The following NHSL1 variants were observed in gnomAD, a reference collection of about 807,000 sequenced individuals.
NHSL1 encodes NHS like 1.
NHSL1 carries 48 observed loss-of-function variants against 95.0 expected under a neutral mutation model. The observed-to-expected ratio is 0.51, with a 90% CI of 0.40 to 0.64. NHSL1 has a LOEUF of 0.64. Among genes scored for constraint, NHSL1 ranks in the 30% least tolerant of loss-of-function variants. The pLI, the probability that NHSL1 is intolerant of heterozygous loss-of-function variation, is 0.00. For synonymous variants in NHSL1, 783 were observed against 833.9 expected, an observed-to-expected ratio of 0.94 and a Z score of 1.05; for missense variants, 1,971 against 2,077.7, an observed-to-expected ratio of 0.95 and a Z score of 1.00.
At chr6:138,613,505 T>G (rs183116732) in intron 1 of NHSL1, among the ~76,000 whole-genome samples, 83 of 152,252 alleles carry the variant, frequency 5.5e-4, no homozygotes, top group South Asian at 1.5e-3. Context: ...CCAGTAAAAC[T>G]GAGGGAGTAT....
intron 1 of NHSL1, among the ~76,000 whole-genome samples, chr6:138,609,769 G>T (rs1231757709): frequency 9.0e-6 from 1 of 111,008 alleles, no homozygotes. Flanking sequence ...AAAAAAAATA[G>T]TGCTATCCAT....
At chr6:138,678,541 A>G (rs759276962) in intron 1 of NHSL1, among the ~76,000 whole-genome samples, 2 of 152,248 alleles carry the variant, frequency 1.3e-5, no homozygotes, top group African/African-American at 2.4e-5. Context: ...AATTTTTCAA[A>G]ATTAAAATGA....
Position 138,432,476 on chromosome 6 carries a change from GCA to G in NHSL1, c.1867_1868del (p.Cys623GlnfsTer2), listed in dbSNP as rs1230423764. On this transcript the variant is annotated frameshift_variant, in exon 6 of 8. Transcript: ENST00000343505. LOFTEE classifies it high-confidence loss of function. The surrounding 1 kb of genome is among the most constrained non-coding windows in gnomAD (Gnocchi z 4.4). ...GGTTCCCAAAGCCATCACTGCTATT[GCA>G]CAGATTCCCAGATCCATGTCCAGAG... ...TDSGHGSGNL[C>X]NSSDGFGNPR... 1 of 1,552,098 alleles carries G rather than the reference GCA, an allele frequency of 6.4e-7. No homozygotes were observed. Among genetic ancestry groups the G allele is most frequent in the Non-Finnish European group, 8.7e-7 (1 of 1,147,024 alleles).
intron 1 of NHSL1, among the ~76,000 whole-genome samples, chr6:138,498,792 T>C (rs891058217): frequency 6.6e-6 from 1 of 152,102 alleles, no homozygotes; most frequent in Non-Finnish European, 1.5e-5. Flanking sequence ...CCACCAGAAA[T>C]ATGTGATACA....
Position 138,433,124 on chromosome 6 carries a change from G to C in NHSL1, c.1221C>G (p.Thr407=), listed in dbSNP as rs765645712. 1 of 1,550,896 alleles carries C rather than the reference G, an allele frequency of 6.4e-7. No homozygotes were observed. Among genetic ancestry groups the C allele is most frequent in the South Asian group, 1.2e-5 (1 of 84,054 alleles). The change falls in exon 6 of 8, where the codon ACC becomes ACG. Residue 407 remains threonine (T), a synonymous_variant. Transcript: ENST00000343505. ...SPACVVSPHA[T]YSTSIIPNAT... ...CATTTGGGATGATGCTGGTGGAGTA[G>C]GTTGCATGAGGAGAAACCACACACG...
Position 138,431,551 on chromosome 6 carries a change from G to C in NHSL1, c.2794C>G (p.Pro932Ala), listed in dbSNP as rs1775667867. 6.4e-7 allele frequency: 1 copy of C among 1,551,192 alleles called. No homozygotes were observed. The highest frequency in any genetic ancestry group is 8.7e-7 in the Non-Finnish European group (1 of 1,146,698). ...PAVGSPPAPP[P>A]PPVPSPPFPC... ...AATGGAGGAGAGGGAACAGGAGGAGGAGGAGGAGCCGGGGGAGAGCCCACG... is the reference window on the plus strand; with the variant it reads ...AATGGAGGAGAGGGAACAGGAGGAGCAGGAGGAGCCGGGGGAGAGCCCACG... Residue 932 changes from proline (P) to alanine (A), a missense_variant, in exon 6 of 8, where the codon CCT becomes GCT. This residue lies in a region of NHSL1 where 1,602 missense variants were observed against 1,654.5 expected (regional missense o/e 0.97). Transcript: ENST00000343505. This position sits in a 1 kb window ranked among gnomAD's most constrained non-coding sequence, Gnocchi z 4.0.
At chr6:138,591,839 C>T (rs974449955) in intron 1 of NHSL1, among the ~76,000 whole-genome samples, 3 of 152,168 alleles carry the variant, frequency 2.0e-5, no homozygotes, top group East Asian at 1.9e-4. Flanking sequence ...TTCTGTGCAG[C>T]GGATCCATGC....
At chr6:138,684,387 C>G (rs1295670498) in intron 1 of NHSL1, among the ~76,000 whole-genome samples, 1 of 152,120 alleles carries the variant, frequency 6.6e-6, no homozygotes, top group East Asian at 1.9e-4. Context: ...GTGACTCAAG[C>G]CTGTAATCCC....
intron 1 of NHSL1, among the ~76,000 whole-genome samples, chr6:138,660,641 A>G (rs1785214230): frequency 6.9e-6 from 1 of 145,578 alleles, no homozygotes; most frequent in African/African-American, 2.5e-5. Flanking sequence ...ACTCCGTCTC[A>G]AAAAAAAAAA....
At chr6:138,520,766 C>T (rs985695915) in intron 1 of NHSL1, among the ~76,000 whole-genome samples, 3 of 152,140 alleles carry the variant, frequency 2.0e-5, no homozygotes, top group Admixed American at 1.3e-4. Context: ...GGGCTTCAAC[C>T]AGATCTCTTT....
intron 1 of NHSL1, among the ~76,000 whole-genome samples, chr6:138,634,978 AT>A (rs1018586874): frequency 6.6e-6 from 1 of 151,974 alleles, no homozygotes; most frequent in African/African-American, 2.4e-5. Flanking sequence ...AAATTGAAGG[AT>A]TTCTTAAATG....
chr6:138,545,507 A>G, intron 1 of NHSL1: 1 of 709,272 alleles, frequency 1.4e-6, no homozygotes, highest in Non-Finnish European at 2.1e-6. Context: ...TACTTACAAA[A>G]CTCCCTCAAA....
intron 1 of NHSL1, among the ~76,000 whole-genome samples, chr6:138,647,754 T>C (rs539409669): frequency 1.3e-5 from 2 of 152,062 alleles, no homozygotes; most frequent in Non-Finnish European, 2.9e-5. Context: ...ATGCGCGCCA[T>C]GCCCGGCTAA....
At chr6:138,550,193 C>T (rs1434635466), upstream of NHSL1, among the ~76,000 whole-genome samples, 5 of 151,948 alleles carry the variant, frequency 3.3e-5, no homozygotes, top group East Asian at 1.9e-4. Context: ...GAGCTGGGAT[C>T]GTGCCACTGT....
chr6:138,486,346 C>T (rs1228137517), intron 2 of NHSL1, among the ~76,000 whole-genome samples: 2 of 151,882 alleles, frequency 1.3e-5, no homozygotes, highest in Non-Finnish European at 2.9e-5. Flanking sequence ...TATAAAAATC[C>T]TTCTTATCTC....
chr6:138,572,847 G>GTAGGTAGATAGA (rs1491371552), upstream of NHSL1, among the ~76,000 whole-genome samples: 9 of 149,738 alleles, frequency 6.0e-5, no homozygotes, highest in Non-Finnish European at 1.2e-4. Flanking sequence ...GCTTAATACA[G>GTAGGTAGATAGA]TAGATAGATA....
At chr6:138,546,141 T>C (rs145376066), upstream of NHSL1, among the ~76,000 whole-genome samples, 114 of 152,220 alleles carry the variant, frequency 7.5e-4, no homozygotes, top group Non-Finnish European at 1.5e-3. Context: ...GAACACACCA[T>C]ATACTGGTAC....
At chr6:138,617,687 C>T (rs1784599119) in intron 1 of NHSL1, among the ~76,000 whole-genome samples, 1 of 152,204 alleles carries the variant, frequency 6.6e-6, no homozygotes, top group South Asian at 2.1e-4. Flanking sequence ...AGATACTAGA[C>T]GACTATCAGC....
chr6:138,644,769 C>T (rs557273252), intron 1 of NHSL1, among the ~76,000 whole-genome samples: 3 of 152,234 alleles, frequency 2.0e-5, no homozygotes, highest in African/African-American at 7.2e-5. Flanking sequence ...AAAGTTTCAA[C>T]TTAGTTTATG....
Sources: gnomAD v4.1 joint callset for allele counts (sites outside exome capture counted in the v4.1 genomes callset) on GRCh38, gnomAD v4.1.1 for gene constraint, gnomAD v4.1.1 regional missense constraint, Gnocchi (gnomAD v3.1) non-coding constraint, MANE v1.5 for transcripts, NCBI Gene and HGNC (gene_info 2026-07-23, HGNC 2026-07-21) for gene names.